The following CSMD1 variants were observed in gnomAD, a reference collection of about 807,000 sequenced individuals.
CSMD1 encodes CUB and Sushi multiple domains 1.
CSMD1 carries 213 observed loss-of-function variants against 417.5 expected under a neutral mutation model. The ratio of observed to expected loss-of-function variants is 0.51; its 90% CI spans 0.46 to 0.57. The LOEUF (loss-of-function observed/expected upper bound fraction) is 0.57, where lower values mean the gene tolerates loss of function less well. Among genes scored for constraint, CSMD1 ranks in the 20% least tolerant of loss-of-function variants. CSMD1 has a pLI of 0.00. For missense variants in CSMD1, 6,923 were observed against 4,529.7 expected, an observed-to-expected ratio of 1.53 and a Z score of -15.17; for synonymous variants, 2,862 against 1,736.8, an observed-to-expected ratio of 1.65 and a Z score of -16.11.
chr8:4,796,186 G>A (rs779180801), intron 1 of CSMD1, among the ~76,000 whole-genome samples: 14 of 151,928 alleles, frequency 9.2e-5, no homozygotes, highest in Non-Finnish European at 1.5e-4. Flanking sequence ...GGAAGAAAAT[G>A]CAGGAAGACC....
chr8:4,957,307 A>AT (rs953312653), intron 1 of CSMD1, among the ~76,000 whole-genome samples: 2 of 152,148 alleles, frequency 1.3e-5, no homozygotes, highest in African/African-American at 4.8e-5. Context: ...AGCCCCTAAT[A>AT]TTTTTTTAAA....
At position 3,307,801 on chromosome 8, in the gene CSMD1, G is replaced by T. The variant is rs1482502744; in HGVS notation, c.3844C>A (p.His1282Asn). The T allele has an allele frequency of 6.2e-7, 1 of 1,613,394 alleles. No individual in the cohort carries two copies. The highest frequency in any genetic ancestry group is 8.5e-7 in the Non-Finnish European group (1 of 1,179,542). The change falls in exon 25 of 70, where the codon CAT becomes AAT. Residue 1282 changes from histidine (H) to asparagine (N), a missense_variant. Coordinates refer to ENST00000635120, the MANE Select transcript of CSMD1 (RefSeq NM_033225.6). ...SCIAECGGQI[H>N]AATSGRILSP... ...AATATTCGTCCTGATGTGGCTGCAT[G>T]GATCTGACCACCACATTCCGCTGTA...
chr8:4,032,959 A>T (rs961060522), intron 3 of CSMD1, among the ~76,000 whole-genome samples: 5 of 151,920 alleles, frequency 3.3e-5, no homozygotes, highest in Admixed American at 6.6e-5. Context: ...AGGCTCCTCA[A>T]TTCCGATACG....
intron 3 of CSMD1, among the ~76,000 whole-genome samples, chr8:4,386,122 A>T (rs1051566106): frequency 3.9e-5 from 6 of 152,036 alleles, no homozygotes; most frequent in African/African-American, 1.4e-4. Context: ...TTTACCCGGG[A>T]ATTTCAAACC....
intron 3 of CSMD1, among the ~76,000 whole-genome samples, chr8:4,033,970 G>A (rs2554567): frequency 0.79 from 120,974 of 152,194 alleles, 48,434 homozygotes; most frequent in East Asian, 0.98. Context: ...TAGTATTCAA[G>A]TAAGCTATGA....
chr8:3,259,318 C>T (rs534995510), intron 26 of CSMD1, among the ~76,000 whole-genome samples: 6 of 152,164 alleles, frequency 3.9e-5, no homozygotes, highest in Non-Finnish European at 8.8e-5. Flanking sequence ...AGCATGTGAG[C>T]TCTGCAAAGC....
At chr8:3,524,528 T>C (rs1198295023) in intron 10 of CSMD1, among the ~76,000 whole-genome samples, 2 of 121,994 alleles carry the variant, frequency 1.6e-5, no homozygotes, top group African/African-American at 3.2e-5. Context: ...TGCAAAGACA[T>C]ACGCACACAC....
intron 5 of CSMD1, among the ~76,000 whole-genome samples, chr8:3,908,440 G>A (rs11136676): frequency 0.032 from 4,850 of 152,140 alleles, 257 homozygotes; most frequent in African/African-American, 0.11. Flanking sequence ...AACTTTGCTC[G>A]CAGATTTTCG....
At chr8:3,182,862 G>GTGTGTGTGTGTGTGTGTGTC (rs1821471823) in intron 36 of CSMD1, 1 of 124,844 alleles carries the variant, frequency 8.0e-6, no homozygotes, top group Non-Finnish European at 1.7e-5. Context: ...GTGTGTGTGT[G>GTGTGTGTGTGTGTGTGTGTC]TGTGTGTGTG....
intron 1 of CSMD1, among the ~76,000 whole-genome samples, chr8:4,774,315 T>G (rs1162336829): frequency 6.6e-6 from 1 of 152,186 alleles, no homozygotes; most frequent in Non-Finnish European, 1.5e-5. Context: ...CAAGTTATAG[T>G]AATTGAGGGC....
At chr8:4,931,884 T>C (rs1300673078) in intron 1 of CSMD1, among the ~76,000 whole-genome samples, 3 of 152,230 alleles carry the variant, frequency 2.0e-5, no homozygotes, top group Non-Finnish European at 4.4e-5. Flanking sequence ...TTGATTGTTA[T>C]ATGGAGATAT....
intron 10 of CSMD1, among the ~76,000 whole-genome samples, chr8:3,551,984 C>T (rs997252374): frequency 6.6e-6 from 1 of 152,128 alleles, no homozygotes; most frequent in African/African-American, 2.4e-5. Context: ...ATAGGGATCT[C>T]ACAGTGGCAG....
intron 3 of CSMD1, among the ~76,000 whole-genome samples, chr8:4,055,120 A>T (rs192927689): frequency 1.1e-4 from 17 of 152,320 alleles, no homozygotes; most frequent in Admixed American, 3.9e-4. Context: ...TTTGTGTAGT[A>T]GATGATAGAA....
chr8:3,264,080 C>T (rs1429754268), intron 26 of CSMD1, among the ~76,000 whole-genome samples: 1 of 151,964 alleles, frequency 6.6e-6, no homozygotes, highest in Non-Finnish European at 1.5e-5. Flanking sequence ...CTTTATTTCC[C>T]AGAGATCCTT....
At chr8:3,796,450 G>C (rs139018294) in intron 5 of CSMD1, among the ~76,000 whole-genome samples, 1,735 of 123,580 alleles carry the variant, frequency 0.014, 170 homozygotes, top group African/African-American at 0.052. Context: ...ATCGTGTATA[G>C]ATATAGATAT....
chr8:3,121,054 T>C (rs1817174173), intron 41 of CSMD1, among the ~76,000 whole-genome samples: 2 of 151,736 alleles, frequency 1.3e-5, no homozygotes, highest in South Asian at 4.2e-4. Context: ...AGATGTTCAT[T>C]GCAGCATTAT....
chr8:4,529,814 A>G (rs1382642426), intron 2 of CSMD1, among the ~76,000 whole-genome samples: 2 of 151,830 alleles, frequency 1.3e-5, no homozygotes, highest in Non-Finnish European at 1.5e-5. Flanking sequence ...CAAATTTTTC[A>G]TTTAAATCAA....
intron 7 of CSMD1, among the ~76,000 whole-genome samples, chr8:3,703,545 A>G (rs1055852512): frequency 6.6e-6 from 1 of 151,934 alleles, no homozygotes; most frequent in Non-Finnish European, 1.5e-5. Context: ...ATGGTGTGTG[A>G]TCTGTGGGTC....
At chr8:3,697,976 T>C (rs979530875) in intron 7 of CSMD1, among the ~76,000 whole-genome samples, 1 of 152,234 alleles carries the variant, frequency 6.6e-6, no homozygotes, top group Admixed American at 6.5e-5. Flanking sequence ...ACTTCTATGG[T>C]TACAATTCAA....
Sources: gnomAD v4.1 joint callset for allele counts (sites outside exome capture counted in the v4.1 genomes callset) on GRCh38, gnomAD v4.1.1 for gene constraint, MANE v1.5 for transcripts, NCBI Gene and HGNC (gene_info 2026-07-23, HGNC 2026-07-21) for gene names.